The following NEK11 variants were observed in gnomAD, a reference collection of about 807,000 sequenced individuals.
NEK11 encodes the protein NIMA related kinase 11.
In NEK11, 72 loss-of-function variants were observed where a neutral mutation model predicts 80.7. That is an observed-to-expected ratio of 0.89 (90% CI 0.74 to 1.08). NEK11 has a LOEUF of 1.08. Ranked by LOEUF, NEK11 falls within the 50% of genes least tolerant of loss-of-function variation. The probability of loss-of-function intolerance (pLI) is 0.00; values close to 1 mark genes in which losing one functional copy is unlikely to be tolerated. For missense variants in NEK11, 764 were observed against 763.6 expected (o/e 1.00, Z -0.01); for synonymous variants, 251 against 260.7 (o/e 0.96, Z 0.36).
chr3:131,284,977 C>T (rs1047867618), intron 17 of NEK11, among the ~76,000 whole-genome samples: 1 of 152,210 alleles, frequency 6.6e-6, no homozygotes, highest in African/African-American at 2.4e-5. Context: ...AACTCCCTTT[C>T]ATATATACAT....
At chr3:131,240,525 TTTGTTG>T (rs200902975) in intron 15 of NEK11, among the ~76,000 whole-genome samples, 22 of 151,956 alleles carry the variant, frequency 1.4e-4, no homozygotes, top group African/African-American at 2.2e-4. Flanking sequence ...ATAATTGGTT[TTTGTTG>T]TTGTTGTTGT....
chr3:131,179,430 A>G (rs1708298543), intron 14 of NEK11, among the ~76,000 whole-genome samples: 1 of 152,218 alleles, frequency 6.6e-6, no homozygotes, highest in Admixed American at 6.5e-5. Flanking sequence ...GGAGTTGCAC[A>G]ACTCATAGTC....
chr3:131,345,023 T>C (rs150690570), intron 17 of NEK11, among the ~76,000 whole-genome samples: 96 of 152,388 alleles, frequency 6.3e-4, no homozygotes, highest in African/African-American at 2.2e-3. Context: ...TCCACTTTTA[T>C]TTCTGATTTG....
chr3:131,114,904 A>G (rs1163092433), intron 5 of NEK11, among the ~76,000 whole-genome samples: 1 of 152,236 alleles, frequency 6.6e-6, no homozygotes, highest in Non-Finnish European at 1.5e-5. Context: ...TTACCTTGGA[A>G]ACAATACATG....
At chr3:131,213,511 A>C (rs775408187) in intron 14 of NEK11, among the ~76,000 whole-genome samples, 1 of 152,216 alleles carries the variant, frequency 6.6e-6, no homozygotes, top group African/African-American at 2.4e-5. Context: ...TGTTAATGAG[A>C]AAATACAACG....
At position 131,185,576 on chromosome 3, in the gene NEK11, T is replaced by G. The variant is rs142480768; in HGVS notation, c.1399+14689T>G. On this transcript the variant is annotated intron_variant, in intron 14 of 17. Transcript: ENST00000383366. Reference sequence around the variant, plus strand: ...AACTGATCCCCAATATCTTACAGTTTGAGGCGCTGGGTTCACTGCATGCTT... The same window carrying G: ...AACTGATCCCCAATATCTTACAGTTGGAGGCGCTGGGTTCACTGCATGCTT... Among the ~76,000 whole-genome samples the G allele has an allele frequency of 2.7e-3, 416 of 152,284 alleles. 1 individual carries two copies. The highest frequency in any genetic ancestry group is 9.4e-3 in the African/African-American group (391 of 41,562).
intron 14 of NEK11, among the ~76,000 whole-genome samples, chr3:131,219,640 C>G (rs985192510): frequency 6.6e-6 from 1 of 152,010 alleles, no homozygotes; most frequent in Non-Finnish European, 1.5e-5. Context: ...GAAGAAGCAG[C>G]AAGAGGGAAG....
rs773739389 is a variant in NEK11, at chr3:131,228,701, C to T, written c.1560+13C>T. 17 of 1,608,212 alleles carry T rather than the reference C, an allele frequency of 1.1e-5. No individual in the cohort carries two copies. Among genetic ancestry groups the T allele is most frequent in the South Asian group, 6.7e-5 (6 of 90,000 alleles). ...AACAAACCAACAGGTATGTAATGCTCCCTGTCGGAAGCCATGGAACTGTTC... is the reference window on the plus strand; with the variant it reads ...AACAAACCAACAGGTATGTAATGCTTCCTGTCGGAAGCCATGGAACTGTTC... On this transcript the variant is annotated intron_variant, in intron 15 of 17. Transcript: ENST00000383366.
chr3:131,132,136 C>G (rs537882029), intron 5 of NEK11, among the ~76,000 whole-genome samples: 8 of 151,678 alleles, frequency 5.3e-5, no homozygotes, highest in African/African-American at 1.9e-4. Flanking sequence ...TTGAATAATT[C>G]GCAGGGATTT....
chr3:131,195,970 G>A (rs1182215080), intron 14 of NEK11, among the ~76,000 whole-genome samples: 2 of 151,014 alleles, frequency 1.3e-5, no homozygotes, highest in African/African-American at 2.4e-5. Context: ...TGAATGAATG[G>A]GAGCGTATTT....
intron 14 of NEK11, among the ~76,000 whole-genome samples, chr3:131,185,141 ATTGG>A (rs2093546603): frequency 6.6e-6 from 1 of 152,178 alleles, no homozygotes; most frequent in Non-Finnish European, 1.5e-5. Flanking sequence ...GTTAGCAAAT[ATTGG>A]TTGAATCACT....
At chr3:131,324,869 G>A (rs1270620170) in intron 17 of NEK11, among the ~76,000 whole-genome samples, 1 of 152,090 alleles carries the variant, frequency 6.6e-6, no homozygotes, top group Non-Finnish European at 1.5e-5. Context: ...GAGCTCCTTG[G>A]TACCTTACAG....
intron 17 of NEK11, among the ~76,000 whole-genome samples, chr3:131,306,931 A>C (rs1370082280): frequency 6.6e-6 from 1 of 151,902 alleles, no homozygotes; most frequent in Non-Finnish European, 1.5e-5. Context: ...AATGGTTTCT[A>C]CTTGTGAGTT....
chr3:131,328,394 C>T (rs2097013322), intron 17 of NEK11: 1 of 152,014 alleles, frequency 6.6e-6, no homozygotes, highest in South Asian at 2.1e-4. Context: ...TATTTTGTGC[C>T]AGGACTATGC....
chr3:131,157,296 C>G (rs1234341809), intron 10 of NEK11, among the ~76,000 whole-genome samples: 2 of 151,986 alleles, frequency 1.3e-5, no homozygotes, highest in Non-Finnish European at 2.9e-5. Flanking sequence ...TTAAAATTAT[C>G]TTGGTTACTG....
chr3:131,067,923 T>C (rs1438169838), intron 3 of NEK11, among the ~76,000 whole-genome samples: 1 of 152,180 alleles, frequency 6.6e-6, no homozygotes, highest in Non-Finnish European at 1.5e-5. Flanking sequence ...TGGGGTCATA[T>C]CAGTGTTGGC....
chr3:131,037,941 C>G (rs186120369), intron 3 of NEK11, among the ~76,000 whole-genome samples: 1 of 151,858 alleles, frequency 6.6e-6, no homozygotes, highest in Non-Finnish European at 1.5e-5. Context: ...TTGAGTGGGA[C>G]GAGTTAATTT....
intron 7 of NEK11, among the ~76,000 whole-genome samples, chr3:131,137,249 A>G (rs918625679): frequency 6.6e-6 from 1 of 152,194 alleles, no homozygotes; most frequent in African/African-American, 2.4e-5. Context: ...AGCTGTGAGT[A>G]GAAGAAAACA....
At chr3:131,214,695 ATG>A (rs57370577) in intron 14 of NEK11, among the ~76,000 whole-genome samples, 2,955 of 147,622 alleles carry the variant, frequency 0.02, 81 homozygotes, top group African/African-American at 0.063. Flanking sequence ...ATGTGCGTGC[ATG>A]TGTGTGTGTG....
Sources: allele counts gnomAD v4.1 joint callset (sites outside exome capture counted in the v4.1 genomes callset), GRCh38; gene constraint gnomAD v4.1.1; transcripts MANE v1.5; gene names NCBI Gene and HGNC (gene_info 2026-07-23, HGNC 2026-07-21).